The following VSIG10L variants were observed in gnomAD, a reference collection of about 807,000 sequenced individuals.
VSIG10L encodes the protein V-set and immunoglobulin domain-containing protein 10-like.
In VSIG10L, 63 loss-of-function variants were observed where a neutral mutation model predicts 67.3. The observed-to-expected ratio is 0.94, with a 90% CI of 0.76 to 1.15. The LOEUF (loss-of-function observed/expected upper bound fraction) is 1.15, where lower values mean the gene tolerates loss of function less well. VSIG10L is among the 50% of genes most tolerant of loss of function. The pLI is 0.00. For synonymous variants in VSIG10L, 499 were observed against 524.9 expected, an observed-to-expected ratio of 0.95 and a Z score of 0.67; for missense variants, 1,050 against 1,177.5, an observed-to-expected ratio of 0.89 and a Z score of 1.58.
At chr19:51,334,454 C>T (rs1449059442) in intron 7 of VSIG10L, 150 bp from the exon 8 acceptor site, 5 of 636,774 alleles carry the variant, frequency 7.9e-6, no homozygotes, top group African/African-American at 7.3e-5. Context: ...GACCCCAGCA[C>T]TCTCAACTCA....
chr19:51,334,105 T>C (rs892279754), intron 8 of VSIG10L, 86 bp downstream of exon 8: 1 of 1,482,990 alleles, frequency 6.7e-7, no homozygotes, highest in African/African-American at 1.4e-5. Flanking sequence ...ACGGCACTGA[T>C]TGCCTCAGCC....
rs1190618694 is a variant in VSIG10L at position 51,333,898 on chromosome 19, C to T, written c.2467G>A (p.Val823Ile). Reference sequence around the variant, plus strand: ...TGCATCTTCTTTTCTGAGGGGGTGACCACGGGGACCAAGGTAGAAGGATGC... The same window carrying T: ...TGCATCTTCTTTTCTGAGGGGGTGATCACGGGGACCAAGGTAGAAGGATGC... The part of the protein sequence containing the change: ...KKHPSTLVPV[V>I]TPSEKKMHSV... The change falls in exon 9 of 10, where the codon GTC becomes ATC. Residue 823 changes from valine (V) to isoleucine (I), a missense_variant. By Grantham distance (29) the Val-to-Ile change is conservative. Coordinates refer to ENST00000335624, the MANE Select transcript of VSIG10L (RefSeq NM_001163922.3). 3.2e-6 allele frequency: 5 copies of T among 1,551,676 alleles called. No homozygotes were observed. The South Asian group carries it at 5.9e-5, about 18-fold the overall frequency.
In VSIG10L at chr19:51,341,676, A is replaced by G. The variant is rs571540031; in HGVS notation, c.372T>C (p.Asp124=). ...TGGGGTCTTTGGCAGGAACTTGAGG[A>G]TCCGAAATATCAGGAAATACTTCAG... ...PGSEVFPDIS[D]PQVPAKDPKP... The change falls in exon 2 of 10, where the codon GAT becomes GAC. Residue 124 remains aspartate, a synonymous_variant. Transcript: ENST00000335624. 4.3e-5 allele frequency: 66 copies of G among 1,551,662 alleles called. No homozygotes were observed. Among genetic ancestry groups the G allele is most frequent in the Non-Finnish European group, 5.8e-5 (66 of 1,146,994 alleles).
In VSIG10L at chr19:51,341,953, T is replaced by G. The variant is rs1985651979; in HGVS notation, c.95A>C (p.Asn32Thr). ...LRASSGLQQTNFSSAFSSDSK... is the reference protein window; with the variant it reads ...LRASSGLQQTTFSSAFSSDSK... ...GTCTGAAGAGAAGGCAGAGGAGAAG[T>G]TGGTTTGCTGAAGTCCAGAAGAGGC... is the stretch of plus-strand genomic sequence containing the variant. Residue 32 changes from asparagine to threonine, a missense_variant, in exon 2 of 10, where the codon AAC (asparagine) becomes ACC (threonine). Asn to Thr is a moderately conservative substitution (Grantham distance 65). Transcript: ENST00000335624. The G allele has an allele frequency of 6.4e-7, 1 of 1,551,390 alleles. No individual in the cohort carries two copies. The highest frequency in any genetic ancestry group is 8.7e-7 in the Non-Finnish European group (1 of 1,146,900).
At chr19:51,338,804 A>G (rs1374786948) in intron 5 of VSIG10L, 84 bp downstream of exon 5, 30 of 1,323,186 alleles carry the variant, frequency 2.3e-5, no homozygotes, top group Non-Finnish European at 2.8e-5. Flanking sequence ...GACGTACCCC[A>G]TACCCCTTCA....
At chr19:51,339,744 G>A (rs1394954161) in intron 4 of VSIG10L, 2 of 338,134 alleles carry the variant, frequency 5.9e-6, no homozygotes, top group African/African-American at 4.3e-5. Context: ...CGGCCCGTCA[G>A]TCCTGGTCAT....
chr19:51,341,942 C>T lies in VSIG10L; in HGVS notation c.106G>A (p.Ala36Thr), dbSNP rs1985651447. 2 of 1,551,538 alleles carry T rather than the reference C, an allele frequency of 1.3e-6. No individual in the cohort carries two copies. Among genetic ancestry groups the T allele is most frequent in the Non-Finnish European group, 1.7e-6 (2 of 1,146,998 alleles). Residue 36 changes from alanine (A) to threonine (T), a missense_variant, in exon 2 of 10, where the codon GCC becomes ACC. By Grantham distance (58) the Ala-to-Thr change is moderately conservative. This residue lies in a region of VSIG10L where 511 missense variants were observed against 557.9 expected (regional missense o/e 0.92). Transcript: ENST00000335624. ...SGLQQTNFSS[A>T]FSSDSKSSSQ... ...GAGCTCTTTGAGTCTGAAGAGAAGG[C>T]AGAGGAGAAGTTGGTTTGCTGAAGT...
In VSIG10L at chr19:51,337,218, C is replaced by G. The variant is rs1345750483; in HGVS notation, c.2305+20G>C. ...GATCTGGCACAACAGAGAAGGTCTACTCTGACAGCCCCAACTCACCGGCCC... is the reference window on the plus strand; with the variant it reads ...GATCTGGCACAACAGAGAAGGTCTAGTCTGACAGCCCCAACTCACCGGCCC... On this transcript the variant is annotated intron_variant, in intron 7 of 9. Transcript: ENST00000335624. 1 of 1,534,352 alleles carries G rather than the reference C, an allele frequency of 6.5e-7. No homozygotes were observed. Among genetic ancestry groups the G allele is most frequent in the Non-Finnish European group, 8.8e-7 (1 of 1,137,332 alleles).
chr19:51,340,112 G>T lies in VSIG10L; in HGVS notation c.1377C>A (p.Pro459=), dbSNP rs1337350002. ...TGCCTGCGTGGCCCGGTCCGACCGC[G>T]GGCAGCAGGAGGCGCGACCCCGCGG... ...AVPAGSRLLL[P]AVGPGHAGTY... is the part of the protein sequence containing the mutation. The change falls in exon 4 of 10, where the codon CCC becomes CCA. Residue 459 remains proline (P), a synonymous_variant. Coordinates refer to ENST00000335624, the MANE Select transcript of VSIG10L (RefSeq NM_001163922.3). The surrounding 1 kb of genome is among the most constrained non-coding windows in gnomAD (Gnocchi z 6.3). 63 of 1,316,208 alleles carry T rather than the reference G, an allele frequency of 4.8e-5. No individual in the cohort carries two copies. Among genetic ancestry groups the T allele is most frequent in the Non-Finnish European group, 5.6e-5 (58 of 1,037,170 alleles). The allele number at this position is 1,316,208 out of a possible 1,614,324, so 81.5% of individuals were successfully genotyped here. A position where few individuals can be genotyped will look rare whatever the true frequency, so the allele number is the denominator to read the frequency against.
intron 5 of VSIG10L, 21 bp downstream of exon 5, chr19:51,338,867 A>T: frequency 7.3e-7 from 1 of 1,361,722 alleles, no homozygotes; most frequent in Non-Finnish European, 9.5e-7. Context: ...GAAACAGCAA[A>T]AAAGCCCCGC....
intron 9 of VSIG10L, 112 bp from the exon 10 acceptor site, chr19:51,332,752 G>A: frequency 4.6e-6 from 5 of 1,086,700 alleles, no homozygotes. Context: ...AGATTATCTG[G>A]GAACCCTCCA....
At chr19:51,339,235 T>C in intron 4 of VSIG10L, 93 bp from the exon 5 acceptor site, 4 of 1,227,696 alleles carry the variant, frequency 3.3e-6, no homozygotes, top group Non-Finnish European at 3.1e-6. Context: ...CCTTCTTCAC[T>C]AGCCCCACCC....
rs191443654 is a variant in VSIG10L at position 51,341,906 on chromosome 19, G to A, written c.142C>T (p.Leu48=). ...TTGATGGAGGGAACTTCCACACCCA[G>A]CCCCTGGGAAGAGCTCTTTGAGTCT... ...SSDSKSSSQG[L]GVEVPSIKPP... Residue 48 remains leucine, a synonymous_variant, in exon 2 of 10, where the codon CTG becomes TTG. Transcript: ENST00000335624. 1.3e-6 allele frequency: 2 copies of A among 1,551,710 alleles called. No individual in the cohort carries two copies. Among genetic ancestry groups the A allele is most frequent in the East Asian group, 2.4e-5 (1 of 40,920 alleles).
Position 51,339,991 on chromosome 19 carries a change from C to T in VSIG10L, c.1474+24G>A, listed in dbSNP as rs1250067009. The T allele has an allele frequency of 1.0e-5, 14 of 1,369,854 alleles. 1 individual carries two copies. In the Admixed American group the frequency reaches 1.8e-4, roughly 17 times the overall value. 84.9% of individuals were successfully genotyped at this position (1,369,854 alleles called of 1,614,324 possible). ...GCCCCGCCCCTCTCCCAGGCATTCCCCTACTCCCGCTCCAGCCTCTCACCC... is the reference window on the plus strand; with the variant it reads ...GCCCCGCCCCTCTCCCAGGCATTCCTCTACTCCCGCTCCAGCCTCTCACCC... On this transcript the variant is annotated intron_variant, in intron 4 of 9. Coordinates refer to ENST00000335624, the MANE Select transcript of VSIG10L (RefSeq NM_001163922.3).
rs942291893 is a variant in VSIG10L at position 51,336,763 on chromosome 19, AT to A, written c.2305+474del. ...GGAGTAGGACCCTGTCGACACCTTG[AT>A]TTTTTTTTTTTTTTTTTTTTTGAGA... On this transcript the variant is annotated intron_variant, in intron 7 of 9. Coordinates refer to ENST00000335624, the MANE Select transcript of VSIG10L (RefSeq NM_001163922.3). Among the ~76,000 whole-genome samples the A allele has an allele frequency of 8.6e-3, 834 of 97,030 alleles. 2 individuals are homozygous for A. Among genetic ancestry groups the A allele is most frequent in the East Asian group, 0.013 (38 of 3,010 alleles). 63.7% of individuals were successfully genotyped at this position (97,030 alleles called of 152,430 possible).
intron 8 of VSIG10L, 79 bp from the exon 9 acceptor site, chr19:51,334,024 C>T: frequency 6.5e-7 from 1 of 1,534,192 alleles, no homozygotes; most frequent in Non-Finnish European, 8.8e-7. Flanking sequence ...GCAAGGGAAG[C>T]TGGTTGGAGA....
In VSIG10L at chr19:51,340,325, C is replaced by T; in HGVS notation, c.1190-26G>A. The T allele has an allele frequency of 6.7e-7, 1 of 1,490,146 alleles. No homozygotes were observed. The highest frequency in any genetic ancestry group is 2.6e-5 in the East Asian group (1 of 38,634). 92.3% of individuals were successfully genotyped at this position (1,490,146 alleles called of 1,614,324 possible). On this transcript the variant is annotated intron_variant, in intron 3 of 9. Coordinates refer to ENST00000335624, the MANE Select transcript of VSIG10L (RefSeq NM_001163922.3). The surrounding 1 kb of genome is among the most constrained non-coding windows in gnomAD (Gnocchi z 6.3). Reference sequence around the variant, plus strand: ...CTGGAGGGAGGAGGGGTCGGGACCGCGAGTGTCAGGGTCACCTGGGACGCC... The same window carrying T: ...CTGGAGGGAGGAGGGGTCGGGACCGTGAGTGTCAGGGTCACCTGGGACGCC...
Position 51,337,554 on chromosome 19 carries a change from G to C in VSIG10L, c.2009-20C>G, listed in dbSNP as rs764193866. ...AGGGTCCTAGAGGGATGTGGGGGTG[G>C]CTGGATTCTTGGGTGCCAGAGGGGA... On this transcript the variant is annotated intron_variant, in intron 6 of 9. Transcript: ENST00000335624. 6.4e-5 allele frequency: 95 copies of C among 1,492,478 alleles called. No homozygotes were observed. Among genetic ancestry groups the C allele is most frequent in the Non-Finnish European group, 7.3e-5 (81 of 1,110,680 alleles). The allele number at this position is 1,492,478 out of a possible 1,614,324, so 92.5% of individuals were successfully genotyped here. A position where few individuals can be genotyped will look rare whatever the true frequency, so the allele number is the denominator to read the frequency against.
rs1985377926 is a variant in VSIG10L at position 51,332,353 on chromosome 19, A to T, written c.*258T>A. On this transcript the variant is annotated 3_prime_UTR_variant, in exon 10 of 10. Transcript: ENST00000335624. ...CTGCAGAGGCTTGGAGGTTGTGCAAACCACACAGTTAGATCAGCAAGAGTT... is the reference window on the plus strand; with the variant it reads ...CTGCAGAGGCTTGGAGGTTGTGCAATCCACACAGTTAGATCAGCAAGAGTT... 6 of 561,710 alleles carry T rather than the reference A, an allele frequency of 1.1e-5. No homozygotes were observed. The highest frequency in any genetic ancestry group is 1.9e-5 in the Non-Finnish European group (6 of 307,706). The allele number at this position is 561,710 out of a possible 1,614,324, so 34.8% of individuals were successfully genotyped here. A position where few individuals can be genotyped will look rare whatever the true frequency, so the allele number is the denominator to read the frequency against.
Sources: gnomAD v4.1 joint callset for allele counts (sites outside exome capture counted in the v4.1 genomes callset) on GRCh38, gnomAD v4.1.1 for gene constraint, gnomAD v4.1.1 regional missense constraint, Gnocchi (gnomAD v3.1) non-coding constraint, MANE v1.5 for transcripts, NCBI Gene and HGNC (gene_info 2026-07-23, HGNC 2026-07-21) for gene names.